The following ASXL2 variants were observed in gnomAD, a reference collection of about 807,000 sequenced individuals.
ASXL2 encodes putative Polycomb group protein ASXL2.
Under a neutral mutation model 122.0 loss-of-function variants are expected in ASXL2, and 23 were observed. The ratio of observed to expected loss-of-function variants is 0.19; its 90% CI spans 0.14 to 0.27. The LOEUF is 0.27. Ranked by LOEUF, ASXL2 falls within the 10% of genes least tolerant of loss-of-function variation. The pLI, the probability that ASXL2 is intolerant of heterozygous loss-of-function variation, is 1.00. For missense variants in ASXL2, 1,518 were observed against 1,713.8 expected (o/e 0.89, Z 2.02); for synonymous variants, 650 against 637.0 (o/e 1.02, Z -0.31).
At chr2:25,808,028 A>AC (rs1387550565) in intron 3 of ASXL2, among the ~76,000 whole-genome samples, 1 of 62,914 alleles carries the variant, frequency 1.6e-5, no homozygotes, top group African/African-American at 5.1e-5. Context: ...CACACTCTCC[A>AC]CCCCAAAGAA....
At chr2:25,768,902 C>T (rs1329217621) in intron 6 of ASXL2, 34 bp from the exon 7 acceptor site, 1 of 1,596,382 alleles carries the variant, frequency 6.3e-7, no homozygotes, top group African/African-American at 1.3e-5. Context: ...AGAAACAAAA[C>T]CAATCAGTTT....
intron 1 of ASXL2, among the ~76,000 whole-genome samples, chr2:25,871,987 G>A (rs2089965237): frequency 6.6e-6 from 1 of 152,130 alleles, no homozygotes; most frequent in Non-Finnish European, 1.5e-5. Context: ...GTGAAAAGGA[G>A]AAATAAATTA....
intron 3 of ASXL2, among the ~76,000 whole-genome samples, chr2:25,824,231 AAAT>A (rs1242822917): frequency 3.9e-5 from 6 of 152,176 alleles, no homozygotes; most frequent in Non-Finnish European, 8.8e-5. Flanking sequence ...ATATAAAATC[AAAT>A]AATAATACTA....
intron 3 of ASXL2, among the ~76,000 whole-genome samples, chr2:25,829,590 C>T (rs1427255206): frequency 6.6e-6 from 1 of 152,144 alleles, no homozygotes; most frequent in Non-Finnish European, 1.5e-5. Flanking sequence ...AGTTACCAGT[C>T]CTGATGTAGC....
At chr2:25,773,779 A>G (rs369846625) in intron 5 of ASXL2, among the ~76,000 whole-genome samples, 2 of 152,052 alleles carry the variant, frequency 1.3e-5, no homozygotes. Context: ...GCTCACACCT[A>G]TAATCCCAAA....
rs544403021 is a variant in ASXL2, at chr2:25,817,167, TC to T, written c.144-10831del. 1.1e-4 allele frequency among the ~76,000 whole-genome samples: 16 copies of T among 152,128 alleles called. No individual in the cohort carries two copies. In the East Asian group the frequency reaches 3.1e-3, roughly 29 times the overall value. On this transcript the variant is annotated intron_variant, in intron 3 of 12. Transcript: ENST00000435504. ...CCGCAAGAACTCAGGGAAAAGATCATCCATAAATGTAAAAATTCTAGCTGAT... is the reference window on the plus strand; with the variant it reads ...CCGCAAGAACTCAGGGAAAAGATCATCATAAATGTAAAAATTCTAGCTGAT...
At position 25,785,043 on chromosome 2, in the gene ASXL2, A is replaced by T. The variant is rs2088714832; in HGVS notation, c.404-13503T>A. Among the ~76,000 whole-genome samples the T allele has an allele frequency of 2.6e-5, 4 of 152,214 alleles. No individual in the cohort carries two copies. The South Asian group carries it at 8.3e-4, about 31-fold the overall frequency. ...AATAGAATTTTTCCCCAAGTCAAGG[A>T]ATTATAAGTATTCTCATTTATTCTA... On this transcript the variant is annotated intron_variant, in intron 5 of 12. Transcript: ENST00000435504.
At position 25,741,467 on chromosome 2, in the gene ASXL2, A is replaced by G. The variant is rs970151910; in HGVS notation, c.*562T>C. On this transcript the variant is annotated 3_prime_UTR_variant, in exon 13 of 13. Transcript: ENST00000435504. ...ATTCCTTACCAAAAATTTCAATTTA[A>G]GAAGATTCCACCTAAGGTAAAGGGA... The G allele has an allele frequency of 4.3e-6, 1 of 230,594 alleles. No individual in the cohort carries two copies. Among genetic ancestry groups the G allele is most frequent in the Non-Finnish European group, 8.6e-6 (1 of 116,474 alleles). The allele number at this position is 230,594 out of a possible 1,614,324, so 14.3% of individuals were successfully genotyped here.
At chr2:25,807,986 T>TAAACACACACACACACACACACAC (rs368346154) in intron 3 of ASXL2, among the ~76,000 whole-genome samples, 37 of 131,822 alleles carry the variant, frequency 2.8e-4, no homozygotes, top group African/African-American at 1.0e-3. Context: ...AATCAGCTTT[T>TAAACACACACACACACACACACAC]ACACACACAC....
intron 5 of ASXL2, among the ~76,000 whole-genome samples, chr2:25,796,807 G>C (rs993150901): frequency 3.9e-5 from 6 of 152,130 alleles, no homozygotes; most frequent in African/African-American, 1.4e-4. Context: ...AATGTTGTCT[G>C]GTGTGGTAGC....
intron 3 of ASXL2, among the ~76,000 whole-genome samples, chr2:25,830,577 G>T (rs1343261984): frequency 6.7e-6 from 1 of 148,340 alleles, no homozygotes; most frequent in African/African-American, 2.5e-5. Context: ...AGTGAGCCGA[G>T]ATCGCATCAC....
chr2:25,739,383 T>A lies in ASXL2; in HGVS notation c.*2646A>T, dbSNP rs568048833. The A allele has an allele frequency of 6.2e-5, 11 of 176,648 alleles. No homozygotes were observed. Among genetic ancestry groups the A allele is most frequent in the Admixed American group, 1.3e-4 (2 of 15,810 alleles). The allele number at this position is 176,648 out of a possible 1,614,324, so 10.9% of individuals were successfully genotyped here. On this transcript the variant is annotated 3_prime_UTR_variant, in exon 13 of 13. Transcript: ENST00000435504. ...GATTGTAATGTGTTTTTTTTTTTTT[T>A]AATTTTTCTGTTCAGCTTTTAAGAT...
chr2:25,877,906 G>A (rs938693521), intron 1 of ASXL2, among the ~76,000 whole-genome samples: 1 of 151,904 alleles, frequency 6.6e-6, no homozygotes, highest in Non-Finnish European at 1.5e-5. Flanking sequence ...ATATCGGCTC[G>A]ACCCCAAAAG....
intron 5 of ASXL2, among the ~76,000 whole-genome samples, chr2:25,779,329 C>G (rs1303900417): frequency 6.6e-6 from 1 of 152,008 alleles, no homozygotes; most frequent in East Asian, 1.9e-4. Flanking sequence ...AACTCCAGAT[C>G]TCAAGTAATC....
At chr2:25,875,744 C>T (rs577294817) in intron 1 of ASXL2, among the ~76,000 whole-genome samples, 13 of 152,174 alleles carry the variant, frequency 8.5e-5, no homozygotes, top group African/African-American at 2.9e-4. Flanking sequence ...AAACAGACAC[C>T]TGCTTCCTTG....
intron 1 of ASXL2, among the ~76,000 whole-genome samples, chr2:25,857,969 T>C (rs1192428920): frequency 6.6e-6 from 1 of 152,096 alleles, no homozygotes; most frequent in African/African-American, 2.4e-5. Flanking sequence ...ATCTCCTGGG[T>C]TTAAGCAGTT....
intron 5 of ASXL2, among the ~76,000 whole-genome samples, chr2:25,773,408 G>A (rs935848667): frequency 5.9e-5 from 9 of 152,000 alleles, no homozygotes; most frequent in Non-Finnish European, 1.5e-5. Context: ...GCTCACGCCT[G>A]TAATCCCAGC....
intron 9 of ASXL2, among the ~76,000 whole-genome samples, chr2:25,758,585 C>A (rs2088180843): frequency 1.3e-5 from 2 of 152,060 alleles, no homozygotes; most frequent in Non-Finnish European, 2.9e-5. Flanking sequence ...AAGTCTCAGA[C>A]CTTTTCTTTA....
intron 2 of ASXL2, among the ~76,000 whole-genome samples, chr2:25,844,572 T>C (rs1472494515): frequency 6.7e-6 from 1 of 148,230 alleles, no homozygotes; most frequent in Non-Finnish European, 1.5e-5. Flanking sequence ...TCAGACTCCG[T>C]CTCAAAAAAA....
Sources: allele counts gnomAD v4.1 joint callset (sites outside exome capture counted in the v4.1 genomes callset), GRCh38; gene constraint gnomAD v4.1.1; transcripts MANE v1.5; gene names NCBI Gene and HGNC (gene_info 2026-07-23, HGNC 2026-07-21).